NHS: variants seen among roughly 807,000 people sequenced by gnomAD.
NHS encodes NHS actin remodeling regulator, also known as actin remodeling regulator NHS.
NHS carries 5 observed loss-of-function variants against 72.5 expected under a neutral mutation model. The ratio of observed to expected loss-of-function variants is 0.07; its 90% CI spans 0.04 to 0.14. NHS has a LOEUF of 0.14. NHS is among the 10% of genes least tolerant of loss of function. NHS has a pLI of 1.00. For missense variants in NHS, 1,072 were observed against 1,355.7 expected, an observed-to-expected ratio of 0.79 and a Z score of 3.29; for synonymous variants, 464 against 547.7, an observed-to-expected ratio of 0.85 and a Z score of 2.13.
At position 17,417,682 on chromosome X, in the gene NHS, T is replaced by C. The variant is rs188013536; in HGVS notation, c.565+41360T>C. Among the ~76,000 whole-genome samples, 92 of 112,547 alleles carry C rather than the reference T, an allele frequency of 8.2e-4. 1 individual carries two copies. The highest frequency in any genetic ancestry group is 1.9e-3 in the Admixed American group (20 of 10,624). On this transcript the variant is annotated intron_variant, in intron 1 of 8. Coordinates refer to ENST00000676302, the MANE Select transcript of NHS (RefSeq NM_001291867.2). The stretch of plus-strand genomic sequence containing the variant: ...TACAGTGATTAATCATTGGCTTATC[T>C]GAGAAAGAAATTTTTTCTGCATTAC...
intron 1 of NHS, among the ~76,000 whole-genome samples, chrX:17,456,630 C>T (rs1481009878): frequency 8.9e-6 from 1 of 112,077 alleles, no homozygotes; most frequent in South Asian, 3.7e-4. Context: ...TGCCCTGGGT[C>T]GCTGGGAGAG....
chrX:17,639,023 T>G (rs1174857984), intron 1 of NHS, among the ~76,000 whole-genome samples: 1 of 111,764 alleles, frequency 8.9e-6, no homozygotes, highest in East Asian at 2.8e-4. Flanking sequence ...AGGAAAAAAC[T>G]CAGCACAAAA....
At chrX:17,486,828 C>T (rs1185188608) in intron 1 of NHS, among the ~76,000 whole-genome samples, 1 of 112,044 alleles carries the variant, frequency 8.9e-6, no homozygotes, top group Non-Finnish European at 1.9e-5. Flanking sequence ...CTGTTCTAAG[C>T]ATTTTCCATG....
chrX:17,472,512 C>T (rs914676821), intron 1 of NHS, among the ~76,000 whole-genome samples: 5 of 112,286 alleles, frequency 4.5e-5, no homozygotes, highest in African/African-American at 1.6e-4. Flanking sequence ...ATCTGATTCC[C>T]AATATTCCTT....
intron 1 of NHS, among the ~76,000 whole-genome samples, chrX:17,517,011 A>G (rs1418003461): frequency 8.9e-6 from 1 of 112,331 alleles, no homozygotes; most frequent in Non-Finnish European, 1.9e-5. Context: ...GTCTAGTGGA[A>G]GACGTCTGTC....
chrX:17,488,613 A>G (rs1482899544), intron 1 of NHS, among the ~76,000 whole-genome samples: 1 of 111,733 alleles, frequency 8.9e-6, no homozygotes, highest in African/African-American at 3.2e-5. Flanking sequence ...CAAAGGACCT[A>G]CAGTTACTAT....
intron 1 of NHS, among the ~76,000 whole-genome samples, chrX:17,617,788 G>C (rs1437574488): frequency 1.8e-5 from 2 of 112,443 alleles, no homozygotes; most frequent in Admixed American, 1.9e-4. Flanking sequence ...TAAGGGTTTT[G>C]AAACAGGTGC....
chrX:17,418,668 CA>C (rs1186453962), intron 1 of NHS, among the ~76,000 whole-genome samples: 4 of 111,609 alleles, frequency 3.6e-5, no homozygotes, highest in African/African-American at 9.8e-5. Context: ...GAGCCTATGA[CA>C]TTTTTTTTTG....
At chrX:17,463,357 T>A (rs1260576740) in intron 1 of NHS, among the ~76,000 whole-genome samples, 1 of 109,303 alleles carries the variant, frequency 9.1e-6, no homozygotes, top group Non-Finnish European at 1.9e-5. Flanking sequence ...TCTTGCTACT[T>A]GGTATAATGG....
chrX:17,415,249 A>G (rs1417279053), intron 1 of NHS, among the ~76,000 whole-genome samples: 3 of 111,511 alleles, frequency 2.7e-5, no homozygotes, highest in East Asian at 5.6e-4. Flanking sequence ...GCATTGATCT[A>G]TCAGAGTAAA....
At chrX:17,506,120 T>C (rs1195993619) in intron 1 of NHS, among the ~76,000 whole-genome samples, 1 of 111,997 alleles carries the variant, frequency 8.9e-6, no homozygotes, top group East Asian at 2.8e-4. Context: ...GTGTGAAATT[T>C]AAGTTAGAGC....
intron 2 of NHS, among the ~76,000 whole-genome samples, chrX:17,691,653 T>C (rs1374495172): frequency 1.8e-5 from 2 of 111,675 alleles, no homozygotes; most frequent in African/African-American, 3.3e-5. Context: ...GGAGCCAGCA[T>C]TGGGCAGGCC....
intron 1 of NHS, among the ~76,000 whole-genome samples, chrX:17,405,044 T>A: frequency 1.8e-5 from 2 of 112,125 alleles, no homozygotes; most frequent in South Asian, 7.5e-4. Flanking sequence ...TGGAATTCAA[T>A]GTGGGTGTTC....
At chrX:17,464,229 C>T (rs1263227326) in intron 1 of NHS, among the ~76,000 whole-genome samples, 1 of 111,109 alleles carries the variant, frequency 9.0e-6, no homozygotes, top group Non-Finnish European at 1.9e-5. Flanking sequence ...GCTGCTGAGG[C>T]CTTCATTTTG....
intron 1 of NHS, among the ~76,000 whole-genome samples, chrX:17,477,469 C>T (rs1203424763): frequency 8.9e-6 from 1 of 112,164 alleles, no homozygotes; most frequent in Non-Finnish European, 1.9e-5. Flanking sequence ...CAGTGCAAGA[C>T]ATGCAGGATC....
intron 1 of NHS, among the ~76,000 whole-genome samples, chrX:17,445,887 G>A (rs2064777249): frequency 9.4e-6 from 1 of 106,537 alleles, no homozygotes; most frequent in African/African-American, 3.4e-5. Context: ...AAAACTTGCC[G>A]ACCAAGCAAG....
chrX:17,555,805 G>T (rs2065368166), intron 1 of NHS, among the ~76,000 whole-genome samples: 1 of 111,769 alleles, frequency 8.9e-6, no homozygotes, highest in Non-Finnish European at 1.9e-5. Flanking sequence ...GGAGGTTTTG[G>T]GGGCCTAGGA....
At chrX:17,729,422 A>G (rs1052971002) in intron 8 of NHS, among the ~76,000 whole-genome samples, 2 of 112,818 alleles carry the variant, frequency 1.8e-5, no homozygotes, top group Non-Finnish European at 3.7e-5. Flanking sequence ...TTGAGAAAAG[A>G]CAATACGTGT....
chrX:17,437,583 G>A lies in NHS; in HGVS notation c.565+61261G>A, dbSNP rs143757280. Among the ~76,000 whole-genome samples, 186 of 111,184 alleles carry A rather than the reference G, an allele frequency of 1.7e-3. 1 individual carries two copies. The highest frequency in any genetic ancestry group is 3.1e-3 in the African/African-American group (94 of 30,597). On this transcript the variant is annotated intron_variant, in intron 1 of 8. Coordinates refer to ENST00000676302, the MANE Select transcript of NHS (RefSeq NM_001291867.2). ...CTCTTCCAGGGAGGCTTCAGTTTCC[G>A]GTGTCATAGTGATCAACTCCCTGGC...
Sources: gnomAD v4.1 joint callset for allele counts (sites outside exome capture counted in the v4.1 genomes callset) on GRCh38, gnomAD v4.1.1 for gene constraint, MANE v1.5 for transcripts, NCBI Gene and HGNC (gene_info 2026-07-23, HGNC 2026-07-21) for gene names.